Variants in ZSCAN1 observed in about 807,000 individuals in gnomAD.
ZSCAN1 encodes zinc finger and SCAN domain-containing protein 1.
In ZSCAN1, 23 loss-of-function variants were observed where a neutral mutation model predicts 23.8. The observed-to-expected ratio is 0.97, with a 90% confidence interval of 0.70 to 1.37. ZSCAN1 has a LOEUF of 1.37. Ranked by LOEUF, ZSCAN1 falls within the 40% of genes most tolerant of loss-of-function variation. The pLI is 0.00. For synonymous variants in ZSCAN1, 236 were observed against 232.3 expected, an observed-to-expected ratio of 1.02 and a Z score of -0.15; for missense variants, 575 against 554.0, an observed-to-expected ratio of 1.04 and a Z score of -0.38.
chr19:58,041,740 G>C (rs1328195555), intron 4 of ZSCAN1, among the ~76,000 whole-genome samples: 1 of 152,158 alleles, frequency 6.6e-6, no homozygotes, highest in Non-Finnish European at 1.5e-5. Flanking sequence ...GCCAGGTGTA[G>C]GGGTGTGCAC....
rs1345319907 is a variant in ZSCAN1, at chr19:58,040,448, A to G, written c.371-2A>G. Reference sequence around the variant, plus strand: ...CTCTCACGATCCCTTTCTCCCGCACAGTTCTGGTATCTCTGGACTCGGTCG... The same window carrying G: ...CTCTCACGATCCCTTTCTCCCGCACGGTTCTGGTATCTCTGGACTCGGTCG... On this transcript the variant is annotated splice_acceptor_variant, in intron 3 of 5. Transcript: ENST00000282326. LOFTEE classifies it high-confidence loss of function. This position sits in a 1 kb window ranked among gnomAD's most constrained non-coding sequence, Gnocchi z 5.8. The G allele has an allele frequency of 6.2e-7, 1 of 1,613,508 alleles. No individual in the cohort carries two copies. The highest frequency in any genetic ancestry group is 1.1e-5 in the South Asian group (1 of 91,082).
At chr19:58,035,273 C>G (rs979484132) in intron 1 of ZSCAN1, among the ~76,000 whole-genome samples, 1 of 152,146 alleles carries the variant, frequency 6.6e-6, no homozygotes, top group African/African-American at 2.4e-5. Flanking sequence ...CAGAAACAGC[C>G]ACCCATCAGT....
In ZSCAN1 at chr19:58,052,384, G is replaced by C. The variant is rs149921828; in HGVS notation, c.466-106G>C. On this transcript the variant is annotated intron_variant, in intron 4 of 5. Coordinates refer to ENST00000282326, the MANE Select transcript of ZSCAN1 (RefSeq NM_182572.4). ...AGGCGCGACACCGCGCACTGCCCTGGGACAGAGCCTTTGGGGATGACGCCC... is the reference window on the plus strand; with the variant it reads ...AGGCGCGACACCGCGCACTGCCCTGCGACAGAGCCTTTGGGGATGACGCCC... 4,434 of 1,570,836 alleles carry C rather than the reference G, an allele frequency of 2.8e-3. 123 individuals carry two copies. In the African/African-American group the frequency reaches 0.052, roughly 18 times the overall value.
Position 58,037,992 on chromosome 19 carries a change from G to T in ZSCAN1, c.156G>T (p.Pro52=). ...RQFQYHVASG[P]HLALGQLWTL... ...TCCAGTACCACGTGGCGAGCGGGCC[G>T]CACCTCGCGCTGGGCCAGCTCTGGA... Residue 52 remains proline (P), a synonymous_variant, in exon 3 of 6, where the codon CCG becomes CCT. Transcript: ENST00000282326. 1 of 1,608,516 alleles carries T rather than the reference G, an allele frequency of 6.2e-7. No individual in the cohort carries two copies. Among genetic ancestry groups the T allele is most frequent in the Non-Finnish European group, 8.5e-7 (1 of 1,179,334 alleles).
intron 3 of ZSCAN1, among the ~76,000 whole-genome samples, chr19:58,039,068 A>G (rs169776): frequency 0.89 from 136,053 of 152,340 alleles, 61,491 homozygotes; most frequent in Middle Eastern, 0.94. Flanking sequence ...ATTTCCGTAG[A>G]CCAACAGTGA....
chr19:58,048,046 A>G (rs1489220471), intron 4 of ZSCAN1, among the ~76,000 whole-genome samples: 2 of 152,274 alleles, frequency 1.3e-5, no homozygotes, highest in Non-Finnish European at 2.9e-5. Context: ...ACAGGCAGCC[A>G]GGAAAGCAGC....
Position 58,045,874 on chromosome 19 carries a change from C to A in ZSCAN1, c.465+5330C>A. On this transcript the variant is annotated intron_variant, in intron 4 of 5. Coordinates refer to ENST00000282326, the MANE Select transcript of ZSCAN1 (RefSeq NM_182572.4). The surrounding 1 kb of genome is among the most constrained non-coding windows in gnomAD (Gnocchi z 4.3). ...GCCAGCCGACCAGCTCAAGTCCACA[C>A]TGCAGACTCTCCCAGAGATTGTGGC... 1 of 1,009,648 alleles carries A rather than the reference C, an allele frequency of 9.9e-7. No homozygotes were observed. The highest frequency in any genetic ancestry group is 1.3e-5 in the South Asian group (1 of 78,656). 62.5% of individuals were successfully genotyped at this position (1,009,648 alleles called of 1,614,324 possible). A position where few individuals can be genotyped will look rare whatever the true frequency, so the allele number is the denominator to read the frequency against.
chr19:58,055,790 A>C (rs2073886559), downstream of ZSCAN1, among the ~76,000 whole-genome samples: 1 of 152,126 alleles, frequency 6.6e-6, no homozygotes, highest in Admixed American at 6.5e-5. Flanking sequence ...TTGCACAAGA[A>C]AGTGGGTGCC....
At chr19:58,046,503 C>T in intron 4 of ZSCAN1, 1 of 904,828 alleles carries the variant, frequency 1.1e-6, no homozygotes, top group South Asian at 1.3e-5. Context: ...GGGAGAACGT[C>T]ATCAGTGTTG....
chr19:58,045,410 G>C lies in ZSCAN1; in HGVS notation c.465+4866G>C. ...TCCAGGAGATGGCCTTGAAGAACGA[G>C]GCAGCCAAGGGCAGTGCCACCAAAG... On this transcript the variant is annotated intron_variant, in intron 4 of 5. Transcript: ENST00000282326. The surrounding 1 kb of genome is among the most constrained non-coding windows in gnomAD (Gnocchi z 4.3). 1 of 985,796 alleles carries C rather than the reference G, an allele frequency of 1.0e-6. No individual in the cohort carries two copies. Among genetic ancestry groups the C allele is most frequent in the Non-Finnish European group, 1.7e-6 (1 of 605,886 alleles). 61.1% of individuals were successfully genotyped at this position (985,796 alleles called of 1,614,324 possible). A position where few individuals can be genotyped will look rare whatever the true frequency, so the allele number is the denominator to read the frequency against.
chr19:58,038,480 C>T, intron 3 of ZSCAN1: 1 of 581,568 alleles, frequency 1.7e-6, no homozygotes. Context: ...TCTGCTGCTC[C>T]TCACGGCTGC....
At chr19:58,052,350 G>C (rs373076899) in intron 4 of ZSCAN1, 140 bp from the exon 5 acceptor site, 5 of 1,401,138 alleles carry the variant, frequency 3.6e-6, no homozygotes, top group Non-Finnish European at 4.9e-6. Context: ...CCCAAAGCAC[G>C]GGAACAACAG....
At chr19:58,046,324 A>G (rs937707088) in intron 4 of ZSCAN1, 3 of 887,674 alleles carry the variant, frequency 3.4e-6, no homozygotes, top group South Asian at 2.6e-5. Flanking sequence ...GGAGCTCAAG[A>G]AGGAACTTTC....
At chr19:58,046,290 G>A (rs2073825500) in intron 4 of ZSCAN1, 2 of 802,882 alleles carry the variant, frequency 2.5e-6, no homozygotes, top group South Asian at 1.3e-5. Flanking sequence ...AGGAGGACAT[G>A]CAGGACTACA....
chr19:58,038,254 G>A (rs2073756170), intron 3 of ZSCAN1, 48 bp downstream of exon 3: 5 of 1,556,296 alleles, frequency 3.2e-6, no homozygotes, highest in Non-Finnish European at 3.5e-6. Flanking sequence ...GGGGCCTGAC[G>A]TCTCCGAGGA....
Position 58,053,491 on chromosome 19 carries a change from G to GGGCCCTCCTCAGACCTGC in ZSCAN1, c.670_687dup (p.Pro224_Arg229dup), listed in dbSNP as rs767355192. The GGGCCCTCCTCAGACCTGC allele has an allele frequency of 6.2e-7, 1 of 1,613,918 alleles. No individual in the cohort carries two copies. The highest frequency in any genetic ancestry group is 1.3e-5 in the African/African-American group (1 of 74,904). On this transcript the variant is annotated inframe_insertion, in exon 6 of 6. Coordinates refer to ENST00000282326, the MANE Select transcript of ZSCAN1 (RefSeq NM_182572.4). This position sits in a 1 kb window ranked among gnomAD's most constrained non-coding sequence, Gnocchi z 5.8. The stretch of plus-strand genomic sequence containing the variant: ...GGACGAGCCTGAGGACCTTCTCGCA[G>GGGCCCTCCTCAGACCTGC]GGCCCTCCTCAGACCTGCGGGCAGA...
intron 4 of ZSCAN1, among the ~76,000 whole-genome samples, chr19:58,050,864 A>C (rs2073854897): frequency 6.7e-6 from 1 of 150,122 alleles, no homozygotes; most frequent in African/African-American, 2.5e-5. Context: ...TTGCATCAGG[A>C]CTCTCCCAGG....
Position 58,037,811 on chromosome 19 carries a change from C to A in ZSCAN1, c.-26C>A. 6.9e-7 allele frequency: 1 copy of A among 1,456,326 alleles called. No individual in the cohort carries two copies. The highest frequency in any genetic ancestry group is 1.4e-5 in the South Asian group (1 of 71,134). The allele number at this position is 1,456,326 out of a possible 1,614,324, so 90.2% of individuals were successfully genotyped here. On this transcript the variant is annotated 5_prime_UTR_variant, in exon 3 of 6. Transcript: ENST00000282326. ...CTCGGGATCCAGTCCACACACACCCCTCAGAGGGGCACTGTGGCCAGAGAA... is the reference window on the plus strand; with the variant it reads ...CTCGGGATCCAGTCCACACACACCCATCAGAGGGGCACTGTGGCCAGAGAA...
At chr19:58,041,947 G>T (rs2073792292) in intron 4 of ZSCAN1, among the ~76,000 whole-genome samples, 1 of 152,200 alleles carries the variant, frequency 6.6e-6, no homozygotes, top group Non-Finnish European at 1.5e-5. Flanking sequence ...GAGGCAGGCG[G>T]ATCACAAGTT....
Sources: allele counts gnomAD v4.1 joint callset (sites outside exome capture counted in the v4.1 genomes callset), GRCh38; gene constraint gnomAD v4.1.1; non-coding constraint Gnocchi (gnomAD v3.1); transcripts MANE v1.5; gene names NCBI Gene and HGNC (gene_info 2026-07-23, HGNC 2026-07-21).